NPTN: variants seen among roughly 807,000 people sequenced by gnomAD.
The protein encoded by NPTN is neuroplastin.
A neutral mutation model predicts 42.7 loss-of-function variants in NPTN; 5 were observed. The observed-to-expected ratio is 0.12, with a 90% CI of 0.06 to 0.25. NPTN has a LOEUF of 0.25. Among genes scored for constraint, NPTN ranks in the 10% least tolerant of loss-of-function variants. The pLI is 1.00. For missense variants in NPTN, 307 were observed against 525.4 expected (o/e 0.58, Z 4.06); for synonymous variants, 180 against 201.9 (o/e 0.89, Z 0.92).
chr15:73,596,685 A>G (rs1896849432), intron 2 of NPTN, among the ~76,000 whole-genome samples: 1 of 152,134 alleles, frequency 6.6e-6, no homozygotes, highest in African/African-American at 2.4e-5. Flanking sequence ...TATGAGTTTT[A>G]ATTTAAGCTT....
At chr15:73,617,282 C>T (rs1003882347) in intron 1 of NPTN, among the ~76,000 whole-genome samples, 1 of 152,232 alleles carries the variant, frequency 6.6e-6, no homozygotes, top group Admixed American at 6.5e-5. Context: ...AGAACTTCAA[C>T]ATTTTAAACA....
intron 1 of NPTN, among the ~76,000 whole-genome samples, chr15:73,623,397 T>C (rs1898231709): frequency 6.6e-6 from 1 of 152,182 alleles, no homozygotes; most frequent in Non-Finnish European, 1.5e-5. Flanking sequence ...TTTAAAAACT[T>C]CTGGCTGGCA....
rs1257267509 is a variant in NPTN, at chr15:73,570,821, TCA to T, written c.841-400_841-399del. 1.3e-5 allele frequency among the ~76,000 whole-genome samples: 2 copies of T among 152,214 alleles called. No individual in the cohort carries two copies. Among genetic ancestry groups the T allele is most frequent in the Non-Finnish European group, 2.9e-5 (2 of 68,028 alleles). ...GGGACCTCAGGCCTCTCTGATGACC[TCA>T]GAGTCAGCACACTGACTTCACACTT... On this transcript the variant is annotated intron_variant, in intron 5 of 8. Transcript: ENST00000345330. The surrounding 1 kb of genome is among the most constrained non-coding windows in gnomAD (Gnocchi z 4.0).
intron 3 of NPTN, among the ~76,000 whole-genome samples, chr15:73,590,265 C>T (rs1044702061): frequency 1.3e-5 from 2 of 151,960 alleles, no homozygotes; most frequent in African/African-American, 2.4e-5. Context: ...TGTTATTTCA[C>T]GAAATGTAGA....
chr15:73,597,398 G>T lies in NPTN; in HGVS notation c.92-29C>A. On this transcript the variant is annotated intron_variant, in intron 1 of 8. Coordinates refer to ENST00000345330, the MANE Select transcript of NPTN (RefSeq NM_012428.4). This position sits in a 1 kb window ranked among gnomAD's most constrained non-coding sequence, Gnocchi z 6.3. ...GAGGGAGGGGGAGCAGGAATGCAGT[G>T]ACAGGCCAATCAGAAAAAAAAAAAA... The T allele has an allele frequency of 6.7e-7, 1 of 1,488,636 alleles. No individual in the cohort carries two copies. Among genetic ancestry groups the T allele is most frequent in the South Asian group, 1.2e-5 (1 of 84,818 alleles). The allele number at this position is 1,488,636 out of a possible 1,614,324, so 92.2% of individuals were successfully genotyped here.
chr15:73,605,212 G>A (rs1897246730), intron 1 of NPTN, among the ~76,000 whole-genome samples: 1 of 151,856 alleles, frequency 6.6e-6, no homozygotes, highest in African/African-American at 2.4e-5. Flanking sequence ...ATGAAGGAGG[G>A]GGATGTCTAC....
chr15:73,578,864 G>A (rs1595909308), intron 4 of NPTN, among the ~76,000 whole-genome samples: 1 of 152,040 alleles, frequency 6.6e-6, no homozygotes, highest in South Asian at 2.1e-4. Context: ...ATAATGGCAG[G>A]TGCCTGTAAT....
chr15:73,592,156 A>G lies in NPTN; in HGVS notation c.440-19T>C. On this transcript the variant is annotated intron_variant, in intron 2 of 8. Transcript: ENST00000345330. The stretch of plus-strand genomic sequence containing the variant: ...CTTGGCTCTGTAATAAGAGTGCACA[A>G]TGATAGGGGGCAATAGCCTTCCATC... 1 of 1,605,880 alleles carries G rather than the reference A, an allele frequency of 6.2e-7. No homozygotes were observed.
At chr15:73,581,603 G>C (rs1896047786) in intron 4 of NPTN, among the ~76,000 whole-genome samples, 1 of 152,088 alleles carries the variant, frequency 6.6e-6, no homozygotes, top group African/African-American at 2.4e-5. Context: ...TCATTATCTG[G>C]GCAGTCTGGG....
At chr15:73,599,932 T>C (rs2141414692) in intron 1 of NPTN, among the ~76,000 whole-genome samples, 1 of 152,338 alleles carries the variant, frequency 6.6e-6, no homozygotes, top group Middle Eastern at 3.4e-3. Context: ...TGTATTGTAC[T>C]TCAAAGCAGC....
intron 1 of NPTN, among the ~76,000 whole-genome samples, chr15:73,608,060 A>C (rs1897372496): frequency 6.6e-6 from 1 of 152,238 alleles, no homozygotes; most frequent in Non-Finnish European, 1.5e-5. Context: ...TGGCCAAAAG[A>C]AGTAGAGTAG....
chr15:73,617,738 C>T (rs980502668), intron 1 of NPTN, among the ~76,000 whole-genome samples: 5 of 152,178 alleles, frequency 3.3e-5, no homozygotes, highest in Non-Finnish European at 2.9e-5. Flanking sequence ...AACTCCCATT[C>T]GGCTTTACAA....
chr15:73,567,035 C>G (rs1482563345), intron 6 of NPTN: 2 of 867,036 alleles, frequency 2.3e-6, no homozygotes, highest in African/African-American at 2.0e-5. Context: ...AAGGAAGCAG[C>G]TAAACCTCAA....
At chr15:73,591,131 T>A (rs1323239538) in intron 3 of NPTN, among the ~76,000 whole-genome samples, 5 of 152,156 alleles carry the variant, frequency 3.3e-5, no homozygotes, top group African/African-American at 1.2e-4. Context: ...AAAAAAAGGA[T>A]CCACAAATTC....
intron 1 of NPTN, among the ~76,000 whole-genome samples, chr15:73,607,247 T>C (rs1292875152): frequency 6.6e-6 from 1 of 152,188 alleles, no homozygotes; most frequent in East Asian, 1.9e-4. Flanking sequence ...GCAAGTTGAA[T>C]AAACCATTCT....
chr15:73,590,974 G>A (rs1896562777), intron 3 of NPTN, among the ~76,000 whole-genome samples: 1 of 152,048 alleles, frequency 6.6e-6, no homozygotes, highest in Non-Finnish European at 1.5e-5. Context: ...GGATGGCATA[G>A]CAGGGAAAAG....
chr15:73,564,190 CAAGT>C (rs1435735326), intron 6 of NPTN, among the ~76,000 whole-genome samples: 1 of 152,168 alleles, frequency 6.6e-6, no homozygotes, highest in Non-Finnish European at 1.5e-5. Flanking sequence ...GGGAAGGGAA[CAAGT>C]AAGTGCTCTT....
intron 1 of NPTN, among the ~76,000 whole-genome samples, chr15:73,621,364 C>A (rs1431193775): frequency 6.6e-6 from 1 of 152,150 alleles, no homozygotes; most frequent in Non-Finnish European, 1.5e-5. Flanking sequence ...AATAATCTGG[C>A]CTTTCTCATT....
At chr15:73,627,547 T>C (rs1010788203) in intron 1 of NPTN, among the ~76,000 whole-genome samples, 3 of 152,164 alleles carry the variant, frequency 2.0e-5, no homozygotes, top group Non-Finnish European at 4.4e-5. Flanking sequence ...TGCAAGTAAA[T>C]TTACATACGT....
Sources: allele counts gnomAD v4.1 joint callset (sites outside exome capture counted in the v4.1 genomes callset), GRCh38; gene constraint gnomAD v4.1.1; non-coding constraint Gnocchi (gnomAD v3.1); transcripts MANE v1.5; gene names NCBI Gene and HGNC (gene_info 2026-07-23, HGNC 2026-07-21).